The following SMAD3 variants were observed in gnomAD, a reference collection of about 807,000 sequenced individuals.
SMAD3 encodes the protein MAD homolog 3.
In SMAD3, 12 loss-of-function variants were observed where a neutral mutation model predicts 51.8. The ratio of observed to expected loss-of-function variants is 0.23; its 90% CI spans 0.15 to 0.38. The LOEUF (loss-of-function observed/expected upper bound fraction) is 0.38. Ranked by LOEUF, SMAD3 falls within the 10% of genes least tolerant of loss-of-function variation. The pLI is 1.00. For missense variants in SMAD3, 294 were observed against 565.6 expected (o/e 0.52, Z 4.87); for synonymous variants, 238 against 227.7 (o/e 1.05, Z -0.41).
At chr15:67,140,375 A>C (rs1369550568) in intron 1 of SMAD3, among the ~76,000 whole-genome samples, 1 of 152,224 alleles carries the variant, frequency 6.6e-6, no homozygotes, top group East Asian at 1.9e-4. Context: ...AGTTGAGTAG[A>C]GACTCCTTTA....
At chr15:67,174,467 G>C (rs1027654367) in intron 5 of SMAD3, 1 of 152,394 alleles carries the variant, frequency 6.6e-6, no homozygotes, top group African/African-American at 2.4e-5. Context: ...AGCCCTGAAG[G>C]ACAGTGGCTA....
At chr15:67,126,049 C>G in intron 1 of SMAD3, 1 of 833,536 alleles carries the variant, frequency 1.2e-6, no homozygotes, top group Non-Finnish European at 1.4e-6. Flanking sequence ...GAAGCAGAAA[C>G]TGTATGCTCG....
At chr15:67,153,306 A>G (rs559842934) in intron 1 of SMAD3, among the ~76,000 whole-genome samples, 9 of 152,216 alleles carry the variant, frequency 5.9e-5, no homozygotes, top group African/African-American at 2.2e-4. Flanking sequence ...AGCCTGGCCA[A>G]TATTGTGAAA....
At chr15:67,086,782 G>A (rs1960402389) in intron 1 of SMAD3, among the ~76,000 whole-genome samples, 1 of 152,108 alleles carries the variant, frequency 6.6e-6, no homozygotes, top group Non-Finnish European at 1.5e-5. Context: ...ACACAGTGAG[G>A]ATCAGAAGAC....
chr15:67,102,582 C>T (rs1302447249), intron 1 of SMAD3, among the ~76,000 whole-genome samples: 4 of 151,750 alleles, frequency 2.6e-5, no homozygotes, highest in Non-Finnish European at 5.9e-5. Context: ...ACTGGGATGA[C>T]CTGTGTGTAT....
At chr15:67,175,480 C>T (rs995452749) in intron 5 of SMAD3, among the ~76,000 whole-genome samples, 2 of 152,194 alleles carry the variant, frequency 1.3e-5, no homozygotes, top group African/African-American at 4.8e-5. Flanking sequence ...GGACCCAAGG[C>T]AGCATCTCCT....
intron 1 of SMAD3, chr15:67,128,172 T>C (rs1485721963): frequency 6.6e-6 from 1 of 152,254 alleles, no homozygotes; most frequent in Non-Finnish European, 1.5e-5. Flanking sequence ...TCTGACTTGC[T>C]GGGAAATCCT....
In SMAD3 at chr15:67,065,800, G is replaced by A; in HGVS notation, c.-355G>A. The A allele has an allele frequency of 9.7e-6, 2 of 206,142 alleles. No homozygotes were observed. Among genetic ancestry groups the A allele is most frequent in the Non-Finnish European group, 9.9e-6 (1 of 100,574 alleles). 12.8% of individuals were successfully genotyped at this position (206,142 alleles called of 1,614,324 possible). ...GGTTGGACTTTCCTTCCCGGAGGCG[G>A]CACCCAAACAGCTACCCCGTGCGGA... On this transcript the variant is annotated 5_prime_UTR_variant, in exon 1 of 9. Transcript: ENST00000327367.
intron 1 of SMAD3, among the ~76,000 whole-genome samples, chr15:67,072,737 AC>A (rs1337858797): frequency 1.3e-5 from 2 of 152,142 alleles, no homozygotes; most frequent in Non-Finnish European, 2.9e-5. Flanking sequence ...GAGGGGTATG[AC>A]CTTCTGTTGG....
chr15:67,160,260 C>A (rs1164182908), intron 1 of SMAD3, among the ~76,000 whole-genome samples: 1 of 152,228 alleles, frequency 6.6e-6, no homozygotes, highest in African/African-American at 2.4e-5. Flanking sequence ...TTTGCACCAG[C>A]AGTGGAAGGG....
chr15:67,155,557 A>T (rs12441344), intron 1 of SMAD3, among the ~76,000 whole-genome samples: 80 of 152,250 alleles, frequency 5.3e-4, no homozygotes, highest in Admixed American at 4.3e-3. Context: ...TTCAAGCCAC[A>T]AGCAGAATTT....
rs148145672 is a variant in SMAD3, at chr15:67,070,267, A to T, written c.206+3907A>T. On this transcript the variant is annotated intron_variant, in intron 1 of 8. Transcript: ENST00000327367. ...TATCTCTTTGCTCTTGTTAAGTTTG[A>T]TTAGGGGAGTTCCACGTAGGGCCTG... Among the ~76,000 whole-genome samples, 19 of 152,130 alleles carry T rather than the reference A, an allele frequency of 1.2e-4. No individual in the cohort carries two copies. In the East Asian group the frequency reaches 3.3e-3, roughly 26 times the overall value.
chr15:67,070,775 T>C (rs1437453646), intron 1 of SMAD3, among the ~76,000 whole-genome samples: 1 of 151,670 alleles, frequency 6.6e-6, no homozygotes, highest in African/African-American at 2.4e-5. Context: ...TGTTTTTTTC[T>C]GAAAAAAACA....
At chr15:67,186,314 G>A (rs920225044) in intron 7 of SMAD3, among the ~76,000 whole-genome samples, 4 of 152,194 alleles carry the variant, frequency 2.6e-5, no homozygotes, top group South Asian at 2.1e-4. Context: ...GCTCAGTGAC[G>A]CTCTTGGCCT....
At chr15:67,072,223 T>C (rs558973906) in intron 1 of SMAD3, among the ~76,000 whole-genome samples, 4 of 152,244 alleles carry the variant, frequency 2.6e-5, no homozygotes, top group Non-Finnish European at 5.9e-5. Flanking sequence ...TTTAATGAAC[T>C]GAGCGACCAT....
chr15:67,090,960 C>T lies in SMAD3; in HGVS notation c.206+24600C>T, dbSNP rs114388804. On this transcript the variant is annotated intron_variant, in intron 1 of 8. Coordinates refer to ENST00000327367, the MANE Select transcript of SMAD3 (RefSeq NM_005902.4). The stretch of plus-strand genomic sequence containing the variant: ...TGCTGCAGGGTTGCGTCTTGAGCTC[C>T]GAGGAGGAAACTGTTTATTTCAGGG... Among the ~76,000 whole-genome samples, 626 of 152,198 alleles carry T rather than the reference C, an allele frequency of 4.1e-3. 3 individuals carry two copies. Among genetic ancestry groups the T allele is most frequent in the African/African-American group, 0.013 (547 of 41,516 alleles).
intron 1 of SMAD3, among the ~76,000 whole-genome samples, chr15:67,112,556 A>G (rs1311193286): frequency 7.5e-6 from 1 of 133,552 alleles, no homozygotes; most frequent in Non-Finnish European, 1.6e-5. Context: ...ATGGTTTGCA[A>G]ATATTTTCTT....
chr15:67,165,136 C>T (rs908414119), intron 2 of SMAD3, 48 bp downstream of exon 2: 1 of 1,609,948 alleles, frequency 6.2e-7, no homozygotes, highest in African/African-American at 1.3e-5. Context: ...CAGGGGTCAT[C>T]ACCTCTCCCC....
rs1457907171 is a variant in SMAD3, at chr15:67,191,240, T to C, written c.*704T>C. On this transcript the variant is annotated 3_prime_UTR_variant, in exon 9 of 9. Coordinates refer to ENST00000327367, the MANE Select transcript of SMAD3 (RefSeq NM_005902.4). ...CTCTTTAAAAACTCACTTACGTTTG[T>C]CCTTTTTCACTTTGAAAAGTTGGAA... 4.3e-6 allele frequency: 1 copy of C among 233,568 alleles called. No homozygotes were observed. Among genetic ancestry groups the C allele is most frequent in the Non-Finnish European group, 8.5e-6 (1 of 118,270 alleles). The allele number at this position is 233,568 out of a possible 1,614,324, so 14.5% of individuals were successfully genotyped here. A position where few individuals can be genotyped will look rare whatever the true frequency, so the allele number is the denominator to read the frequency against.
Sources: allele counts gnomAD v4.1 joint callset (sites outside exome capture counted in the v4.1 genomes callset), GRCh38; gene constraint gnomAD v4.1.1; transcripts MANE v1.5; gene names NCBI Gene and HGNC (gene_info 2026-07-23, HGNC 2026-07-21).